IL16: variants seen among roughly 807,000 people sequenced by gnomAD.
IL16 encodes pro-interleukin-16.
In IL16, 67 loss-of-function variants were observed where a neutral mutation model predicts 110.1. The observed-to-expected ratio is 0.61, with a 90% confidence interval of 0.50 to 0.75. The LOEUF (loss-of-function observed/expected upper bound fraction) is 0.75, where lower values mean the gene tolerates loss of function less well. IL16 is among the 30% of genes least tolerant of loss of function. IL16 has a pLI of 0.00. For synonymous variants in IL16, 689 were observed against 662.9 expected, an observed-to-expected ratio of 1.04 and a Z score of -0.61; for missense variants, 1,545 against 1,655.0, an observed-to-expected ratio of 0.93 and a Z score of 1.15.
chr15:81,279,344 T>C (rs1396031251), intron 7 of IL16, among the ~76,000 whole-genome samples: 1 of 152,190 alleles, frequency 6.6e-6, no homozygotes, highest in Non-Finnish European at 1.5e-5. Context: ...TCTATCTATC[T>C]ATTCATCCAT....
chr15:81,242,404 A>G (rs145096832), intron 2 of IL16, among the ~76,000 whole-genome samples: 1 of 152,170 alleles, frequency 6.6e-6, no homozygotes, highest in Non-Finnish European at 1.5e-5. Flanking sequence ...ATCATCTTTC[A>G]TTTCTCTCAT....
At chr15:81,255,801 A>G (rs1029805719) in intron 2 of IL16, among the ~76,000 whole-genome samples, 24 of 152,210 alleles carry the variant, frequency 1.6e-4, no homozygotes, top group Admixed American at 9.8e-4. Context: ...TCCACTTCCT[A>G]TGATTCTCCT....
At chr15:81,227,097 G>A in intron 2 of IL16, among the ~76,000 whole-genome samples, 1 of 152,168 alleles carries the variant, frequency 6.6e-6, no homozygotes, top group Admixed American at 6.6e-5. Context: ...GTGTAGGAGG[G>A]CTGTGGGAGG....
chr15:81,249,726 A>G (rs1462315455), intron 2 of IL16, among the ~76,000 whole-genome samples: 1 of 152,140 alleles, frequency 6.6e-6, no homozygotes, highest in Admixed American at 6.5e-5. Flanking sequence ...GCATTTCTTC[A>G]GGACTGAAAG....
rs4778638 is a variant in IL16 at position 81,305,662 on chromosome 15, A to G, written c.3421-246A>G. ...AACTAGAATCGTGGTGGTACACTAT[A>G]GGACGTTGTGTTGGGATGGATTCTG... On this transcript the variant is annotated intron_variant, in intron 16 of 18. Coordinates refer to ENST00000683961, the MANE Select transcript of IL16 (RefSeq NM_172217.5). The G allele has an allele frequency of 9.3e-3, 5,133 of 552,466 alleles. 228 individuals carry two copies. The East Asian group carries it at 0.1, about 11-fold the overall frequency. The allele number at this position is 552,466 out of a possible 1,614,324, so 34.2% of individuals were successfully genotyped here. A position where few individuals can be genotyped will look rare whatever the true frequency, so the allele number is the denominator to read the frequency against.
chr15:81,266,758 G>A lies in IL16; in HGVS notation c.564+957G>A, dbSNP rs537109293. 1.2e-4 allele frequency among the ~76,000 whole-genome samples: 19 copies of A among 152,296 alleles called. No homozygotes were observed. In the South Asian group the frequency reaches 3.9e-3, roughly 32 times the overall value. ...TTCACATTTTCCCAAATGCCCATCA[G>A]GAAGCAACTGCACTCCTCTCACAGT... On this transcript the variant is annotated intron_variant, in intron 4 of 18. Transcript: ENST00000683961.
At chr15:81,305,442 T>C (rs371668655) in intron 16 of IL16, among the ~76,000 whole-genome samples, 6 of 151,930 alleles carry the variant, frequency 3.9e-5, no homozygotes, top group Admixed American at 6.5e-5. Context: ...GGTGAGAGGA[T>C]TGCTTGAGCC....
intron 16 of IL16, chr15:81,305,638 A>G (rs1393572096): frequency 9.3e-6 from 4 of 429,058 alleles, no homozygotes; most frequent in Admixed American, 4.0e-5. Flanking sequence ...TGGAATCCCA[A>G]CTAGAATCGT....
At chr15:81,283,660 C>T (rs1021189083) in intron 9 of IL16, among the ~76,000 whole-genome samples, 1 of 152,100 alleles carries the variant, frequency 6.6e-6, no homozygotes, top group Non-Finnish European at 1.5e-5. Context: ...TAAATAGGAG[C>T]TTTGATGAGG....
chr15:81,211,872 C>T (rs1335178430), intron 1 of IL16, among the ~76,000 whole-genome samples: 3 of 152,096 alleles, frequency 2.0e-5, no homozygotes, highest in African/African-American at 7.2e-5. Flanking sequence ...CCTACTTGAT[C>T]GTGGTGAATT....
intron 3 of IL16, among the ~76,000 whole-genome samples, chr15:81,264,025 C>T (rs897654270): frequency 1.2e-4 from 19 of 152,276 alleles, no homozygotes; most frequent in Middle Eastern, 3.4e-3. Context: ...AGACCCGAAA[C>T]GTGCAGATAT....
intron 18 of IL16, among the ~76,000 whole-genome samples, chr15:81,307,974 T>C (rs1900657337): frequency 6.6e-6 from 1 of 152,278 alleles, no homozygotes; most frequent in African/African-American, 2.4e-5. Flanking sequence ...TATTATCTTC[T>C]ACTCTTATCA....
chr15:81,249,528 T>C (rs926139473), intron 2 of IL16, among the ~76,000 whole-genome samples: 1 of 152,216 alleles, frequency 6.6e-6, no homozygotes, highest in African/African-American at 2.4e-5. Flanking sequence ...ATATGACTTA[T>C]ACAATTGCTG....
chr15:81,311,108 T>C lies in IL16; in HGVS notation c.*2310T>C, dbSNP rs1900830899. 1 of 152,374 alleles carries C rather than the reference T, an allele frequency of 6.6e-6. No homozygotes were observed. The highest frequency in any genetic ancestry group is 1.5e-5 in the Non-Finnish European group (1 of 68,056). 9.4% of individuals were successfully genotyped at this position (152,374 alleles called of 1,614,324 possible). ...CTCATCCATTTGCGTTCCATGATGC[T>C]GGGATTTACACTTGAGGCTTAGCTT... On this transcript the variant is annotated 3_prime_UTR_variant, in exon 19 of 19. Transcript: ENST00000683961.
At position 81,299,378 on chromosome 15, in the gene IL16, A is replaced by G. The variant is rs776145064; in HGVS notation, c.2054-2A>G. The G allele has an allele frequency of 2.5e-6, 4 of 1,611,836 alleles. No individual in the cohort carries two copies. Among genetic ancestry groups the G allele is most frequent in the Non-Finnish European group, 3.4e-6 (4 of 1,180,016 alleles). On this transcript the variant is annotated splice_acceptor_variant, in intron 13 of 18. Transcript: ENST00000683961. LOFTEE classifies it high-confidence loss of function. Reference sequence around the variant, plus strand: ...AGCTTTGGCCTTGTTTCTGCACTGTAGTGACCCAAACATCCCCGATAAAAC... The same window carrying G: ...AGCTTTGGCCTTGTTTCTGCACTGTGGTGACCCAAACATCCCCGATAAAAC...
At chr15:81,254,118 C>A (rs552222099) in intron 2 of IL16, among the ~76,000 whole-genome samples, 37 of 152,162 alleles carry the variant, frequency 2.4e-4, no homozygotes, top group Non-Finnish European at 4.4e-4. Context: ...TTCTCTTAGA[C>A]TGGAGCAGCT....
intron 13 of IL16, among the ~76,000 whole-genome samples, chr15:81,298,833 G>C (rs1900119777): frequency 6.6e-6 from 1 of 152,244 alleles, no homozygotes; most frequent in African/African-American, 2.4e-5. Context: ...GTGAAGAGCT[G>C]TGGGAAGCCG....
chr15:81,259,684 T>C, intron 2 of IL16, 88 bp from the exon 3 acceptor site: 1 of 768,112 alleles, frequency 1.3e-6, no homozygotes, highest in Non-Finnish European at 2.3e-6. Context: ...ATCTGAGTAC[T>C]TCTATGGTCA....
intron 1 of IL16, among the ~76,000 whole-genome samples, chr15:81,205,918 A>G (rs1896000283): frequency 6.6e-6 from 1 of 151,250 alleles, no homozygotes; most frequent in Admixed American, 6.6e-5. Context: ...TAGATCAAGA[A>G]TTACTTTTTT....
Sources: gnomAD v4.1 joint callset for allele counts (sites outside exome capture counted in the v4.1 genomes callset) on GRCh38, gnomAD v4.1.1 for gene constraint, MANE v1.5 for transcripts, NCBI Gene and HGNC (gene_info 2026-07-23, HGNC 2026-07-21) for gene names.